RERE: variants seen among roughly 807,000 people sequenced by gnomAD.
RERE encodes the protein arginine-glutamic acid dipeptide repeats protein.
A neutral mutation model predicts 146.1 loss-of-function variants in RERE; 40 were observed. That is an observed-to-expected ratio of 0.27 (90% CI 0.21 to 0.36). The LOEUF (loss-of-function observed/expected upper bound fraction) is 0.36, where lower values mean the gene tolerates loss of function less well. RERE is among the 10% of genes least tolerant of loss of function. The pLI is 1.00. For missense variants in RERE, 1,933 were observed against 2,138.7 expected (o/e 0.90, Z 1.90); for synonymous variants, 1,003 against 866.0 (o/e 1.16, Z -2.78).
chr1:8,761,141 C>A (rs763222709), intron 1 of RERE, among the ~76,000 whole-genome samples: 5 of 152,102 alleles, frequency 3.3e-5, no homozygotes, highest in Non-Finnish European at 2.9e-5. Flanking sequence ...AATGAAAGAA[C>A]CTCAAAGAGA....
At chr1:8,714,916 C>T (rs1288061093) in intron 1 of RERE, among the ~76,000 whole-genome samples, 1 of 151,930 alleles carries the variant, frequency 6.6e-6, no homozygotes, top group East Asian at 2.0e-4. Flanking sequence ...ACTCTGTCGC[C>T]AAGCCGGAAT....
intron 15 of RERE, 96 bp from the exon 16 acceptor site, chr1:8,362,940 C>A: frequency 7.3e-7 from 1 of 1,366,994 alleles, no homozygotes; most frequent in Middle Eastern, 2.7e-4. Flanking sequence ...GAAGGCACAC[C>A]CTATCAGCCT....
At chr1:8,604,412 T>G (rs1252035962) in intron 4 of RERE, among the ~76,000 whole-genome samples, 1 of 148,228 alleles carries the variant, frequency 6.7e-6, no homozygotes, top group Non-Finnish European at 1.5e-5. Context: ...TGTTAAGAGG[T>G]AGAGGTGGGA....
At chr1:8,602,524 G>A (rs202129676) in intron 4 of RERE, among the ~76,000 whole-genome samples, 56 of 147,328 alleles carry the variant, frequency 3.8e-4, no homozygotes, top group South Asian at 1.1e-3. Context: ...GAAAAAAAAA[G>A]AAAAAAAAAA....
rs1438772900 is a variant in RERE, at chr1:8,353,822, G to C, written c.*1265C>G. 1 of 152,380 alleles carries C rather than the reference G, an allele frequency of 6.6e-6. No individual in the cohort carries two copies. Among genetic ancestry groups the C allele is most frequent in the Non-Finnish European group, 1.5e-5 (1 of 68,036 alleles). 9.4% of individuals were successfully genotyped at this position (152,380 alleles called of 1,614,324 possible). A position where few individuals can be genotyped will look rare whatever the true frequency, so the allele number is the denominator to read the frequency against. Reference sequence around the variant, plus strand: ...AGACCTGCCCCTAGGGTAAAATACAGGCTGCCCCCAACACCTGTCTTAACT... The same window carrying C: ...AGACCTGCCCCTAGGGTAAAATACACGCTGCCCCCAACACCTGTCTTAACT... On this transcript the variant is annotated 3_prime_UTR_variant, in exon 23 of 23. Coordinates refer to ENST00000400908, the MANE Select transcript of RERE (RefSeq NM_001042681.2).
chr1:8,573,343 A>G (rs1297742486), intron 4 of RERE, among the ~76,000 whole-genome samples: 1 of 152,150 alleles, frequency 6.6e-6, no homozygotes, highest in Non-Finnish European at 1.5e-5. Flanking sequence ...ATATATATAT[A>G]TAACTAAAAA....
At chr1:8,635,768 G>T (rs891699954) in intron 2 of RERE, among the ~76,000 whole-genome samples, 9 of 152,026 alleles carry the variant, frequency 5.9e-5, no homozygotes, top group African/African-American at 2.2e-4. Flanking sequence ...ATTCTATAAG[G>T]AAAAGAATCA....
At chr1:8,501,280 C>T (rs1262915453) in intron 8 of RERE, among the ~76,000 whole-genome samples, 2 of 128,816 alleles carry the variant, frequency 1.6e-5, no homozygotes, top group Non-Finnish European at 3.4e-5. Context: ...GTCGCCCCTA[C>T]CGGGAAGTGA....
At chr1:8,805,135 G>A (rs1342725921) in intron 1 of RERE, among the ~76,000 whole-genome samples, 2 of 150,814 alleles carry the variant, frequency 1.3e-5, no homozygotes, top group African/African-American at 4.9e-5. Flanking sequence ...ATCCCGAGTA[G>A]CTAGGATTAC....
At chr1:8,545,241 G>A (rs1034753933) in intron 6 of RERE, among the ~76,000 whole-genome samples, 1 of 152,176 alleles carries the variant, frequency 6.6e-6, no homozygotes. Context: ...ACTAAAGACA[G>A]GGAAGCCCCA....
chr1:8,418,067 C>T (rs1413779961), intron 12 of RERE, among the ~76,000 whole-genome samples: 2 of 152,194 alleles, frequency 1.3e-5, no homozygotes, highest in African/African-American at 2.4e-5. Flanking sequence ...TCAGCACATT[C>T]TACCAAGTAT....
chr1:8,500,312 T>C (rs936925102), intron 8 of RERE, among the ~76,000 whole-genome samples: 1 of 152,098 alleles, frequency 6.6e-6, no homozygotes, highest in African/African-American at 2.4e-5. Flanking sequence ...CCCCCATTCT[T>C]GAGAAAAATG....
intron 11 of RERE, among the ~76,000 whole-genome samples, chr1:8,444,486 G>A (rs1057032055): frequency 4.6e-5 from 7 of 152,172 alleles, no homozygotes; most frequent in African/African-American, 1.7e-4. Flanking sequence ...TAAGACTTTG[G>A]GGGACTATCG....
intron 7 of RERE, chr1:8,511,795 T>A (rs1222960408): frequency 1.3e-5 from 2 of 149,710 alleles, no homozygotes; most frequent in Admixed American, 6.7e-5. Flanking sequence ...TTTTTTTTTA[T>A]CCTGTATCCC....
intron 11 of RERE, among the ~76,000 whole-genome samples, chr1:8,463,708 G>C (rs1462439088): frequency 2.0e-5 from 3 of 152,202 alleles, no homozygotes; most frequent in African/African-American, 7.2e-5. Context: ...AGTGGGGAGG[G>C]TGGGAGACAC....
chr1:8,429,212 A>G (rs759034422), intron 11 of RERE, among the ~76,000 whole-genome samples: 3 of 152,222 alleles, frequency 2.0e-5, no homozygotes, highest in Admixed American at 2.0e-4. Flanking sequence ...TTAGGTGGGA[A>G]AAGTAACCAT....
intron 1 of RERE, chr1:8,750,361 T>C (rs1640507951): frequency 3.2e-6 from 2 of 631,734 alleles, no homozygotes; most frequent in Admixed American, 5.4e-5. Context: ...TCTGCCTCAT[T>C]CAACATCTGT....
intron 1 of RERE, among the ~76,000 whole-genome samples, chr1:8,770,203 G>C (rs1421035727): frequency 6.6e-6 from 1 of 152,082 alleles, no homozygotes; most frequent in South Asian, 2.1e-4. Flanking sequence ...TGAACACAGT[G>C]TTTTCACCTG....
chr1:8,731,618 C>CA (rs1640086152), intron 1 of RERE, among the ~76,000 whole-genome samples: 1 of 151,504 alleles, frequency 6.6e-6, no homozygotes, highest in Admixed American at 6.6e-5. Context: ...TTACAACTGA[C>CA]AGAGCTTCAA....
Sources: gnomAD v4.1 joint callset for allele counts (sites outside exome capture counted in the v4.1 genomes callset) on GRCh38, gnomAD v4.1.1 for gene constraint, MANE v1.5 for transcripts, NCBI Gene and HGNC (gene_info 2026-07-23, HGNC 2026-07-21) for gene names.